Variants in ZNF331 observed in about 807,000 individuals in gnomAD.
The protein encoded by ZNF331 is zinc finger protein 331.
In ZNF331, 2 loss-of-function variants were observed where a neutral mutation model predicts 7.0. The ratio of observed to expected loss-of-function variants is 0.29; its 90% CI spans 0.12 to 0.90. ZNF331 has a LOEUF of 0.90. Among genes scored for constraint, ZNF331 ranks in the 40% least tolerant of loss-of-function variants. ZNF331 has a pLI of 0.58. For missense variants in ZNF331, 432 were observed against 587.7 expected (o/e 0.74, Z 2.74); for synonymous variants, 196 against 205.4 (o/e 0.95, Z 0.39).
At chr19:53,518,294 G>A (rs1177155427), upstream of ZNF331, among the ~76,000 whole-genome samples, 2 of 152,154 alleles carry the variant, frequency 1.3e-5, no homozygotes, top group Non-Finnish European at 2.9e-5. Context: ...CTGGTGGTTT[G>A]CCGGGGGCCC....
At chr19:53,530,114 G>A (rs2087473541) in intron 2 of ZNF331, among the ~76,000 whole-genome samples, 1 of 152,188 alleles carries the variant, frequency 6.6e-6, no homozygotes. Context: ...TGAAGTGGGA[G>A]CAGGCACGTC....
the ZNF331 span, among the ~76,000 whole-genome samples, chr19:53,514,236 T>C: frequency 6.6e-6 from 1 of 152,154 alleles, no homozygotes; most frequent in South Asian, 2.1e-4. Flanking sequence ...TCCTGCTCTG[T>C]TGCCCAGGCT....
At chr19:53,509,748 GAAACTC>G in the ZNF331 span, among the ~76,000 whole-genome samples, 2 of 152,160 alleles carry the variant, frequency 1.3e-5, no homozygotes, top group Non-Finnish European at 2.9e-5. Context: ...TGTGGAAGAT[GAAACTC>G]TGGGCTTCTA....
intron 2 of ZNF331, among the ~76,000 whole-genome samples, chr19:53,544,130 G>A (rs954982252): frequency 6.6e-6 from 1 of 151,758 alleles, no homozygotes. Context: ...GGGAGGCTGA[G>A]GCAGGAGAAT....
the ZNF331 span, among the ~76,000 whole-genome samples, chr19:53,505,022 G>C: frequency 2.2e-3 from 330 of 152,314 alleles, 1 homozygote; most frequent in African/African-American, 7.6e-3. Flanking sequence ...TTCTCCTCCT[G>C]GCAGGAGCAG....
Position 53,571,615 on chromosome 19 carries a change from G to A in ZNF331, c.21G>A (p.Thr7=), listed in dbSNP as rs145710764. The A allele has an allele frequency of 8.6e-5, 139 of 1,613,866 alleles. 1 individual carries two copies. The highest frequency in any genetic ancestry group is 1.1e-4 in the Non-Finnish European group (129 of 1,179,984). The change falls in exon 5 of 6, where the codon ACG becomes ACA. Residue 7 remains threonine, a synonymous_variant. Coordinates refer to ENST00000449416, the MANE Select transcript of ZNF331 (RefSeq NM_001079906.2). This position sits in a 1 kb window ranked among gnomAD's most constrained non-coding sequence, Gnocchi z 4.7. MAQGLV[T]FADVAIDFSQ... Reference sequence around the variant, plus strand: ...GGTTTCTGTTTCAGGGTTTGGTGACGTTCGCCGACGTAGCCATAGACTTTT... The same window carrying A: ...GGTTTCTGTTTCAGGGTTTGGTGACATTCGCCGACGTAGCCATAGACTTTT...
At chr19:53,509,692 G>A in the ZNF331 span, among the ~76,000 whole-genome samples, 1 of 152,148 alleles carries the variant, frequency 6.6e-6, no homozygotes, top group South Asian at 2.1e-4. Context: ...TCTGTGGTAG[G>A]GCTGATCTGC....
chr19:53,521,524 G>A (rs1600183369), exon 1 of ZNF331: 1 of 152,562 alleles, frequency 6.6e-6, no homozygotes, highest in East Asian at 1.9e-4. Flanking sequence ...ACACAGGTGT[G>A]TGTAGACGTC....
Position 53,577,643 on chromosome 19 carries a change from G to T in ZNF331, c.1083G>T (p.Gly361=), listed in dbSNP as rs775632186. Residue 361 remains glycine, a synonymous_variant, in exon 6 of 6, where the codon GGG becomes GGT. Coordinates refer to ENST00000449416, the MANE Select transcript of ZNF331 (RefSeq NM_001079906.2). ...AGCCGTACAAGTGCACAGAATGTGG[G>T]AAGGCCTTCAATTGTGGCTATCACC... ...GEKPYKCTEC[G]KAFNCGYHLT... 2.5e-6 allele frequency: 4 copies of T among 1,613,954 alleles called. No homozygotes were observed. The African/African-American group carries it at 5.3e-5, about 22-fold the overall frequency.
At position 53,578,164 on chromosome 19, in the gene ZNF331, A is replaced by G; in HGVS notation, c.*212A>G. On this transcript the variant is annotated 3_prime_UTR_variant, in exon 6 of 6. Coordinates refer to ENST00000449416, the MANE Select transcript of ZNF331 (RefSeq NM_001079906.2). ...GGGGATGTGAGTCATCCCTTGGTCC[A>G]GCACATCCACGCTGTATACGCCACC... The G allele has an allele frequency of 1.7e-6, 1 of 604,886 alleles. No individual in the cohort carries two copies. Among genetic ancestry groups the G allele is most frequent in the Non-Finnish European group, 2.8e-6 (1 of 357,562 alleles). The allele number at this position is 604,886 out of a possible 1,614,324, so 37.5% of individuals were successfully genotyped here.
chr19:53,535,180 C>G (rs1186324494), upstream of ZNF331, among the ~76,000 whole-genome samples: 1 of 151,914 alleles, frequency 6.6e-6, no homozygotes, highest in African/African-American at 2.4e-5. Context: ...ACTGCAACCT[C>G]TGCCTCCCGG....
rs1367327098 is a variant in ZNF331, at chr19:53,560,286, T to A, written c.-74+4378T>A. ...CACATATATACACACACCATATATATGCACATATATATATACACCCACACC... is the reference window on the plus strand; with the variant it reads ...CACATATATACACACACCATATATAAGCACATATATATATACACCCACACC... On this transcript the variant is annotated intron_variant, in intron 3 of 5. Coordinates refer to ENST00000449416, the MANE Select transcript of ZNF331 (RefSeq NM_001079906.2). This position sits in a 1 kb window ranked among gnomAD's most constrained non-coding sequence, Gnocchi z 4.3. Among the ~76,000 whole-genome samples, 1 of 151,064 alleles carries A rather than the reference T, an allele frequency of 6.6e-6. No homozygotes were observed. Among genetic ancestry groups the A allele is most frequent in the African/African-American group, 2.4e-5 (1 of 40,916 alleles).
At chr19:53,568,685 C>T (rs1272830303) in intron 3 of ZNF331, among the ~76,000 whole-genome samples, 1 of 151,802 alleles carries the variant, frequency 6.6e-6, no homozygotes, top group Non-Finnish European at 1.5e-5. Context: ...TCCCACCCAT[C>T]CGTCCCCGAC....
chr19:53,546,541 TAA>T (rs915248440), intron 2 of ZNF331, among the ~76,000 whole-genome samples: 1 of 124,360 alleles, frequency 8.0e-6, no homozygotes. Flanking sequence ...AAATCCCCCC[TAA>T]AAAAAAAAAA....
intron 5 of ZNF331, among the ~76,000 whole-genome samples, chr19:53,575,725 C>G (rs2090687610): frequency 2.0e-5 from 3 of 149,252 alleles, no homozygotes; most frequent in African/African-American, 7.4e-5. Flanking sequence ...GCTCTGTCAC[C>G]CAGGCTGGAG....
chr19:53,564,440 C>T (rs969923827), intron 3 of ZNF331, among the ~76,000 whole-genome samples: 13 of 151,868 alleles, frequency 8.6e-5, no homozygotes, highest in African/African-American at 9.7e-5. Flanking sequence ...CCACCATGCC[C>T]GGCTAATTTT....
intron 1 of ZNF331, 35 bp downstream of exon 1, chr19:53,538,331 G>C (rs532177010): frequency 7.2e-5 from 11 of 152,370 alleles, no homozygotes; most frequent in Admixed American, 4.6e-4. Context: ...AGGGGAGACG[G>C]GCACGGGGCT....
the ZNF331 span, among the ~76,000 whole-genome samples, chr19:53,514,375 AT>A: frequency 4.0e-5 from 6 of 150,978 alleles, no homozygotes; most frequent in Non-Finnish European, 7.4e-5. Context: ...ATTTTTTTGT[AT>A]TTTTAGTAGA....
At chr19:53,516,220 G>T (rs4803139), upstream of ZNF331, among the ~76,000 whole-genome samples, 38,294 of 151,960 alleles carry the variant, frequency 0.25, 4,935 homozygotes, top group Middle Eastern at 0.3. Context: ...GGAGGCCGAG[G>T]TGGGCGGATC....
Sources: gnomAD v4.1 joint callset for allele counts (sites outside exome capture counted in the v4.1 genomes callset) on GRCh38, gnomAD v4.1.1 for gene constraint, Gnocchi (gnomAD v3.1) non-coding constraint, MANE v1.5 for transcripts, NCBI Gene and HGNC (gene_info 2026-07-23, HGNC 2026-07-21) for gene names.